AGMO: variants seen among roughly 807,000 people sequenced by gnomAD.
AGMO encodes glyceryl-ether monooxygenase.
Under a neutral mutation model 60.2 loss-of-function variants are expected in AGMO, and 75 were observed. The ratio of observed to expected loss-of-function variants is 1.25; its 90% confidence interval spans 1.03 to 1.51. The LOEUF is 1.51. Among genes scored for constraint, AGMO ranks in the 40% most tolerant of loss-of-function variants. The probability of loss-of-function intolerance (pLI) is 0.00; values close to 1 mark genes in which losing one functional copy is unlikely to be tolerated. For synonymous variants in AGMO, 261 were observed against 177.1 expected, an observed-to-expected ratio of 1.47 and a Z score of -3.76; for missense variants, 763 against 525.5, an observed-to-expected ratio of 1.45 and a Z score of -4.42.
chr7:15,169,077 G>A, the AGMO span, among the ~76,000 whole-genome samples: 1 of 152,140 alleles, frequency 6.6e-6, no homozygotes, highest in African/African-American at 2.4e-5. Context: ...TTGGTTGATG[G>A]GGTGGAGAGA....
At chr7:15,265,446 T>TA (rs1783403654) in intron 12 of AGMO, among the ~76,000 whole-genome samples, 1 of 151,622 alleles carries the variant, frequency 6.6e-6, no homozygotes, top group South Asian at 2.1e-4. Flanking sequence ...AATACACTAT[T>TA]AAAAAAGAAA....
chr7:15,372,443 G>C (rs184966885), intron 10 of AGMO, among the ~76,000 whole-genome samples: 1 of 152,046 alleles, frequency 6.6e-6, no homozygotes, highest in Non-Finnish European at 1.5e-5. Context: ...GCGTCACAGC[G>C]AGACTCTGTC....
At chr7:15,331,615 T>C (rs1287661357) in intron 12 of AGMO, among the ~76,000 whole-genome samples, 1 of 152,096 alleles carries the variant, frequency 6.6e-6, no homozygotes, top group Non-Finnish European at 1.5e-5. Flanking sequence ...AGATTATATT[T>C]CCCAGGCTCA....
At chr7:15,196,217 C>CT (rs535266098), downstream of AGMO, among the ~76,000 whole-genome samples, 120 of 146,172 alleles carry the variant, frequency 8.2e-4, no homozygotes, top group South Asian at 8.1e-3. Flanking sequence ...AATTTTTATA[C>CT]TTTTTTTTTT....
chr7:15,176,881 A>G, the AGMO span, among the ~76,000 whole-genome samples: 1 of 151,996 alleles, frequency 6.6e-6, no homozygotes, highest in Non-Finnish European at 1.5e-5. Flanking sequence ...ACACAACTAA[A>G]CAGAAGTATA....
intron 12 of AGMO, among the ~76,000 whole-genome samples, chr7:15,303,881 C>A (rs1185438239): frequency 6.6e-6 from 1 of 152,132 alleles, no homozygotes; most frequent in East Asian, 1.9e-4. Flanking sequence ...TTGTGAGGAT[C>A]AATTCTTTCT....
At chr7:15,458,467 G>A (rs1782053160) in intron 3 of AGMO, among the ~76,000 whole-genome samples, 2 of 152,070 alleles carry the variant, frequency 1.3e-5, no homozygotes, top group South Asian at 4.1e-4. Flanking sequence ...GAATTTTATT[G>A]GCAGATATCA....
In AGMO at chr7:15,533,653, G is replaced by A. The variant is rs948134520; in HGVS notation, c.409+11119C>T. On this transcript the variant is annotated intron_variant, in intron 3 of 12. Transcript: ENST00000342526. Reference sequence around the variant, plus strand: ...ACCATGGTGGGAGCCATCAGATTCTGCATAATGACTTATTTTTCCACTATA... The same window carrying A: ...ACCATGGTGGGAGCCATCAGATTCTACATAATGACTTATTTTTCCACTATA... Among the ~76,000 whole-genome samples the A allele has an allele frequency of 3.3e-5, 5 of 152,102 alleles. No homozygotes were observed. The South Asian group carries it at 8.3e-4, about 25-fold the overall frequency.
At chr7:15,468,140 T>C (rs1366228508) in intron 3 of AGMO, among the ~76,000 whole-genome samples, 9 of 152,184 alleles carry the variant, frequency 5.9e-5, no homozygotes, top group Non-Finnish European at 1.2e-4. Flanking sequence ...CTCAAGAAGA[T>C]ACTGAATTTA....
At chr7:15,320,130 A>G (rs7777580) in intron 12 of AGMO, among the ~76,000 whole-genome samples, 86,559 of 148,882 alleles carry the variant, frequency 0.58, 26,157 homozygotes, top group African/African-American at 0.76. Flanking sequence ...GGGGAGGGGG[A>G]AGGGATAGCA....
intron 5 of AGMO, among the ~76,000 whole-genome samples, chr7:15,397,370 C>T (rs372913593): frequency 6.6e-6 from 1 of 151,912 alleles, no homozygotes; most frequent in Non-Finnish European, 1.5e-5. Flanking sequence ...AGCCCCGGCT[C>T]CCGCACCTCT....
intron 10 of AGMO, among the ~76,000 whole-genome samples, chr7:15,379,982 A>G (rs1210950281): frequency 1.3e-5 from 2 of 152,162 alleles, no homozygotes; most frequent in South Asian, 4.1e-4. Flanking sequence ...CTCATTTTCA[A>G]TAAACTAGGT....
the AGMO span, among the ~76,000 whole-genome samples, chr7:15,194,311 G>C: frequency 1.3e-5 from 2 of 152,002 alleles, no homozygotes; most frequent in African/African-American, 2.4e-5. Context: ...GCCAGCACAT[G>C]AATAGCTACT....
chr7:15,324,475 G>T (rs898110047), intron 12 of AGMO, among the ~76,000 whole-genome samples: 1 of 152,042 alleles, frequency 6.6e-6, no homozygotes, highest in Admixed American at 6.6e-5. Context: ...TTCTTATTTA[G>T]ATGTCCTGAA....
chr7:15,142,848 A>G, the AGMO span, among the ~76,000 whole-genome samples: 1 of 152,160 alleles, frequency 6.6e-6, no homozygotes. Context: ...TGAATGTCCG[A>G]TATGTATTAG....
chr7:15,293,408 G>T (rs1312397048), intron 12 of AGMO, among the ~76,000 whole-genome samples: 1 of 152,098 alleles, frequency 6.6e-6, no homozygotes, highest in Non-Finnish European at 1.5e-5. Context: ...GTTAGGTAAG[G>T]TGAATATGTG....
chr7:15,499,071 C>T (rs10279379), intron 3 of AGMO, among the ~76,000 whole-genome samples: 103,736 of 151,608 alleles, frequency 0.68, 35,828 homozygotes, highest in East Asian at 0.97. Context: ...CTTAAAGTTC[C>T]AAGTTATGAT....
intron 12 of AGMO, among the ~76,000 whole-genome samples, chr7:15,285,231 A>T (rs1164543053): frequency 1.3e-5 from 2 of 151,998 alleles, no homozygotes; most frequent in African/African-American, 2.4e-5. Context: ...TAGCTAGAAC[A>T]ATCAGACAGG....
the AGMO span, among the ~76,000 whole-genome samples, chr7:15,176,035 T>C: frequency 6.6e-6 from 1 of 152,000 alleles, no homozygotes; most frequent in Non-Finnish European, 1.5e-5. Flanking sequence ...TGTAATGTTG[T>C]TGGGAGCAAT....
Sources: gnomAD v4.1 joint callset for allele counts (sites outside exome capture counted in the v4.1 genomes callset) on GRCh38, gnomAD v4.1.1 for gene constraint, MANE v1.5 for transcripts, NCBI Gene and HGNC (gene_info 2026-07-23, HGNC 2026-07-21) for gene names.